The following GALNT17 variants were observed in gnomAD, a reference collection of about 807,000 sequenced individuals.
GALNT17 encodes UDP-GalNAc:polypeptide N-acetylgalactosaminyltransferase-like 3.
GALNT17 carries 29 observed loss-of-function variants against 63.7 expected under a neutral mutation model. The ratio of observed to expected loss-of-function variants is 0.46; its 90% CI spans 0.34 to 0.62. GALNT17 has a LOEUF of 0.62. GALNT17 is among the 20% of genes least tolerant of loss of function. GALNT17 has a pLI of 0.01. For missense variants in GALNT17, 603 were observed against 799.6 expected, an observed-to-expected ratio of 0.75 and a Z score of 2.97; for synonymous variants, 305 against 318.3, an observed-to-expected ratio of 0.96 and a Z score of 0.45.
intron 1 of GALNT17, among the ~76,000 whole-genome samples, chr7:71,320,423 A>AAT (rs1491504906): frequency 3.7e-5 from 3 of 80,730 alleles, no homozygotes; most frequent in African/African-American, 1.3e-4. Flanking sequence ...AAAAAAAAAA[A>AAT]TTTTTTTTTT....
intron 1 of GALNT17, among the ~76,000 whole-genome samples, chr7:71,286,471 A>G (rs967309539): frequency 4.0e-5 from 6 of 151,748 alleles, no homozygotes; most frequent in African/African-American, 1.5e-4. Flanking sequence ...TTTCCTCTCC[A>G]CTCCAGCCCT....
At chr7:71,267,084 G>A (rs1790504433) in intron 1 of GALNT17, among the ~76,000 whole-genome samples, 1 of 152,204 alleles carries the variant, frequency 6.6e-6, no homozygotes, top group South Asian at 2.1e-4. Flanking sequence ...CATCCCCGAA[G>A]CAACGTGCTT....
intron 6 of GALNT17, among the ~76,000 whole-genome samples, chr7:71,593,795 C>G (rs942700878): frequency 1.3e-5 from 2 of 152,138 alleles, no homozygotes; most frequent in Non-Finnish European, 2.9e-5. Context: ...TTAAAGCATT[C>G]AAGTTTAGAA....
At chr7:71,502,627 C>T (rs544306908) in intron 5 of GALNT17, among the ~76,000 whole-genome samples, 1 of 152,174 alleles carries the variant, frequency 6.6e-6, no homozygotes, top group Non-Finnish European at 1.5e-5. Context: ...AAAATGATGC[C>T]CAAGGAGCTC....
At chr7:71,574,170 A>G (rs370983464) in intron 6 of GALNT17, among the ~76,000 whole-genome samples, 1 of 152,218 alleles carries the variant, frequency 6.6e-6, no homozygotes, top group Non-Finnish European at 1.5e-5. Context: ...TTTTGGGTCT[A>G]TACCCAGTAG....
chr7:71,183,440 G>A (rs1284454141), intron 1 of GALNT17, among the ~76,000 whole-genome samples: 2 of 152,076 alleles, frequency 1.3e-5, no homozygotes, highest in African/African-American at 2.4e-5. Context: ...TGAGGTCAAG[G>A]GACTTCCTGG....
chr7:71,534,598 C>CAAAAAAAAA (rs371592743), intron 5 of GALNT17, among the ~76,000 whole-genome samples: 1 of 108,294 alleles, frequency 9.2e-6, no homozygotes, highest in Non-Finnish European at 1.9e-5. Context: ...GACTCCATCT[C>CAAAAAAAAA]AAAAAAAAAA....
chr7:71,588,373 T>C (rs376972740), intron 6 of GALNT17, among the ~76,000 whole-genome samples: 1 of 152,206 alleles, frequency 6.6e-6, no homozygotes, highest in Admixed American at 6.5e-5. Flanking sequence ...TTCTTTATGG[T>C]TTGTTTTGTC....
At chr7:71,543,594 A>C (rs1163879173) in intron 5 of GALNT17, among the ~76,000 whole-genome samples, 1 of 152,080 alleles carries the variant, frequency 6.6e-6, no homozygotes, top group Non-Finnish European at 1.5e-5. Flanking sequence ...AGGCTGTGAT[A>C]TCCACAAGCT....
intron 6 of GALNT17, among the ~76,000 whole-genome samples, chr7:71,620,468 C>A (rs1340272909): frequency 6.6e-6 from 1 of 152,062 alleles, no homozygotes; most frequent in East Asian, 1.9e-4. Context: ...CAGAGCAAGA[C>A]CCTGTTTCTA....
chr7:71,408,072 CA>C (rs1383260021), intron 3 of GALNT17, among the ~76,000 whole-genome samples: 3 of 152,056 alleles, frequency 2.0e-5, no homozygotes. Context: ...ATGGTAAAAA[CA>C]ATGAAAAAAG....
intron 6 of GALNT17, among the ~76,000 whole-genome samples, chr7:71,606,914 G>C (rs1309846796): frequency 1.3e-5 from 2 of 152,138 alleles, no homozygotes; most frequent in Admixed American, 6.5e-5. Flanking sequence ...GAAAGACAAG[G>C]GTAGTGGGGG....
chr7:71,455,595 G>A (rs182161292), intron 5 of GALNT17, among the ~76,000 whole-genome samples: 4 of 151,676 alleles, frequency 2.6e-5, no homozygotes, highest in Non-Finnish European at 4.4e-5. Flanking sequence ...TGAGGAAAGC[G>A]CTGTGCCAGA....
At chr7:71,362,861 T>C (rs1792431097) in intron 2 of GALNT17, among the ~76,000 whole-genome samples, 1 of 152,192 alleles carries the variant, frequency 6.6e-6, no homozygotes, top group Admixed American at 6.5e-5. Context: ...ACGGGTTGTT[T>C]GATGCTGTGT....
chr7:71,656,099 T>TCA (rs1790824330), intron 6 of GALNT17, among the ~76,000 whole-genome samples: 1 of 151,934 alleles, frequency 6.6e-6, no homozygotes, highest in Non-Finnish European at 1.5e-5. Context: ...CTCAGAACTC[T>TCA]TTGGGTACTT....
intron 5 of GALNT17, among the ~76,000 whole-genome samples, chr7:71,459,436 G>A (rs1787413185): frequency 6.6e-6 from 1 of 152,202 alleles, no homozygotes; most frequent in Non-Finnish European, 1.5e-5. Context: ...AGTTTACTAT[G>A]TATGGAGAAA....
chr7:71,410,259 T>C (rs1583927894), intron 3 of GALNT17, among the ~76,000 whole-genome samples: 2 of 151,930 alleles, frequency 1.3e-5, no homozygotes, highest in African/African-American at 4.8e-5. Flanking sequence ...TTTTTTTTTT[T>C]TTTTGAGACA....
chr7:71,595,120 A>G (rs932497131), intron 6 of GALNT17, among the ~76,000 whole-genome samples: 3 of 152,210 alleles, frequency 2.0e-5, no homozygotes, highest in African/African-American at 4.8e-5. Flanking sequence ...ACCAAAAGCT[A>G]GAAAGGAGAT....
At chr7:71,421,538 G>A (rs1563080349) in intron 5 of GALNT17, among the ~76,000 whole-genome samples, 1 of 152,146 alleles carries the variant, frequency 6.6e-6, no homozygotes, top group Non-Finnish European at 1.5e-5. Context: ...GTGGCATTCT[G>A]AGGAACTGGA....
Sources: gnomAD v4.1 joint callset for allele counts (sites outside exome capture counted in the v4.1 genomes callset) on GRCh38, gnomAD v4.1.1 for gene constraint, MANE v1.5 for transcripts, NCBI Gene and HGNC (gene_info 2026-07-23, HGNC 2026-07-21) for gene names.